Variants in NCKAP5 observed in about 807,000 individuals in gnomAD.
The protein encoded by NCKAP5 is NCK associated protein 5.
In NCKAP5, 92 loss-of-function variants were observed where a neutral mutation model predicts 167.0. The observed-to-expected ratio is 0.55, with a 90% CI of 0.47 to 0.66. The LOEUF (loss-of-function observed/expected upper bound fraction) is 0.66. Ranked by LOEUF, NCKAP5 falls within the 30% of genes least tolerant of loss-of-function variation. NCKAP5 has a pLI of 0.00. For missense variants in NCKAP5, 2,378 were observed against 2,315.0 expected, an observed-to-expected ratio of 1.03 and a Z score of -0.56; for synonymous variants, 891 against 877.4, an observed-to-expected ratio of 1.02 and a Z score of -0.27.
chr2:133,107,976 T>C (rs1328581795), intron 6 of NCKAP5, among the ~76,000 whole-genome samples: 2 of 152,348 alleles, frequency 1.3e-5, no homozygotes, highest in East Asian at 3.9e-4. Context: ...TCTTTACTGT[T>C]AAGATATAGT....
At chr2:133,380,668 A>G (rs1286170191) in intron 3 of NCKAP5, among the ~76,000 whole-genome samples, 1 of 152,116 alleles carries the variant, frequency 6.6e-6, no homozygotes, top group Non-Finnish European at 1.5e-5. Context: ...GACCTTTGCT[A>G]TTCTATCTGT....
At chr2:132,911,845 C>T (rs996160470) in intron 8 of NCKAP5, among the ~76,000 whole-genome samples, 6 of 152,174 alleles carry the variant, frequency 3.9e-5, no homozygotes, top group African/African-American at 1.4e-4. Flanking sequence ...GCTGAACTCC[C>T]CCATGGCTCC....
chr2:133,348,425 C>A lies in NCKAP5; in HGVS notation c.70-45315G>T, dbSNP rs552327318. 3.3e-5 allele frequency among the ~76,000 whole-genome samples: 5 copies of A among 152,142 alleles called. No homozygotes were observed. The South Asian group carries it at 6.2e-4, about 19-fold the overall frequency. On this transcript the variant is annotated intron_variant, in intron 3 of 19. Transcript: ENST00000409261. The stretch of plus-strand genomic sequence containing the variant: ...TACATCACTATGCATTTGTTTTACT[C>A]ATGTATCTACTGTGACAAAAACACA...
At chr2:132,776,584 G>A (rs1682570067) in intron 15 of NCKAP5, among the ~76,000 whole-genome samples, 2 of 152,188 alleles carry the variant, frequency 1.3e-5, no homozygotes, top group Non-Finnish European at 2.9e-5. Context: ...AACTTGATGG[G>A]AATGGATGAA....
chr2:133,047,195 G>T (rs1288155024), intron 6 of NCKAP5, among the ~76,000 whole-genome samples: 3 of 151,914 alleles, frequency 2.0e-5, no homozygotes, highest in Non-Finnish European at 4.4e-5. Flanking sequence ...ACAAAGCTTT[G>T]TTTTTTTTCC....
intron 8 of NCKAP5, 75 bp from the exon 9 acceptor site, chr2:132,878,991 T>C: frequency 8.9e-7 from 1 of 1,118,568 alleles, no homozygotes. Flanking sequence ...TCCATACAGT[T>C]ACTAAATATA....
At chr2:133,194,980 A>C (rs2085376868) in intron 5 of NCKAP5, among the ~76,000 whole-genome samples, 1 of 151,990 alleles carries the variant, frequency 6.6e-6, no homozygotes, top group South Asian at 2.1e-4. Flanking sequence ...TTCTAATGTA[A>C]TTACATGTCG....
chr2:133,337,726 C>T (rs1683307678), intron 3 of NCKAP5, among the ~76,000 whole-genome samples: 1 of 152,202 alleles, frequency 6.6e-6, no homozygotes, highest in Non-Finnish European at 1.5e-5. Flanking sequence ...ATCCTGCCTA[C>T]ATGTTGATCT....
chr2:133,374,493 T>A (rs1052491062), intron 3 of NCKAP5, among the ~76,000 whole-genome samples: 17 of 152,170 alleles, frequency 1.1e-4, no homozygotes, highest in Admixed American at 2.6e-4. Context: ...GCGACCATGA[T>A]GTGTCAATGT....
intron 4 of NCKAP5, among the ~76,000 whole-genome samples, chr2:133,288,338 GTCT>G (rs1301961057): frequency 6.6e-6 from 1 of 152,084 alleles, no homozygotes; most frequent in East Asian, 1.9e-4. Flanking sequence ...TTTTAGAGTG[GTCT>G]TCTGCAACTG....
the NCKAP5 span, among the ~76,000 whole-genome samples, chr2:133,583,971 G>T: frequency 6.6e-6 from 1 of 152,108 alleles, no homozygotes; most frequent in East Asian, 1.9e-4. Flanking sequence ...AGCCAGGATG[G>T]TCTCGATCTC....
intron 8 of NCKAP5, among the ~76,000 whole-genome samples, chr2:132,918,323 T>C (rs1695041818): frequency 6.6e-6 from 1 of 152,186 alleles, no homozygotes; most frequent in East Asian, 1.9e-4. Context: ...CTACAGAAGA[T>C]ATCAGATATT....
chr2:133,672,787 C>T, the NCKAP5 span, among the ~76,000 whole-genome samples: 1 of 152,156 alleles, frequency 6.6e-6, no homozygotes, highest in Non-Finnish European at 1.5e-5. Flanking sequence ...TTTGTCAACC[C>T]CTGTTCTAGG....
chr2:132,704,687 C>G (rs1688189425), intron 19 of NCKAP5, among the ~76,000 whole-genome samples: 1 of 152,192 alleles, frequency 6.6e-6, no homozygotes, highest in Non-Finnish European at 1.5e-5. Flanking sequence ...CATTTCCATT[C>G]CTACTCAGTT....
At chr2:133,204,021 A>G (rs143545024) in intron 5 of NCKAP5, among the ~76,000 whole-genome samples, 48 of 152,304 alleles carry the variant, frequency 3.2e-4, no homozygotes, top group Admixed American at 2.5e-3. Context: ...GCTTTTTACA[A>G]TATCTACTCT....
At chr2:132,752,125 G>C (rs570899367) in intron 16 of NCKAP5, among the ~76,000 whole-genome samples, 3 of 152,316 alleles carry the variant, frequency 2.0e-5, no homozygotes, top group African/African-American at 7.2e-5. Context: ...TTTGCCCATA[G>C]AGAAAGTTTG....
the NCKAP5 span, among the ~76,000 whole-genome samples, chr2:133,664,752 C>A: frequency 6.6e-6 from 1 of 152,168 alleles, no homozygotes; most frequent in African/African-American, 2.4e-5. Flanking sequence ...CCTGCCTTGG[C>A]CTCCCAAAGT....
At chr2:133,615,335 A>G in the NCKAP5 span, among the ~76,000 whole-genome samples, 2 of 151,504 alleles carry the variant, frequency 1.3e-5, no homozygotes, top group Non-Finnish European at 3.0e-5. Flanking sequence ...AAATGCTCCA[A>G]TTAAAAGACA....
intron 3 of NCKAP5, among the ~76,000 whole-genome samples, chr2:133,500,859 A>G (rs1682446426): frequency 6.6e-6 from 1 of 152,216 alleles, no homozygotes; most frequent in South Asian, 2.1e-4. Context: ...CAATTCCATC[A>G]TAGACATTTC....
Sources: allele counts gnomAD v4.1 joint callset (sites outside exome capture counted in the v4.1 genomes callset), GRCh38; gene constraint gnomAD v4.1.1; transcripts MANE v1.5; gene names NCBI Gene and HGNC (gene_info 2026-07-23, HGNC 2026-07-21).